The following SCARB1 variants were observed in gnomAD, a reference collection of about 807,000 sequenced individuals.
SCARB1 encodes the protein scavenger receptor class B member 1.
In SCARB1, 30 loss-of-function variants were observed where a neutral mutation model predicts 57.2. The observed-to-expected ratio is 0.52, with a 90% CI of 0.39 to 0.71. The LOEUF (loss-of-function observed/expected upper bound fraction) is 0.71, where lower values mean the gene tolerates loss of function less well. Among genes scored for constraint, SCARB1 ranks in the 30% least tolerant of loss-of-function variants. SCARB1 has a pLI of 0.00. For synonymous variants in SCARB1, 249 were observed against 268.3 expected (o/e 0.93, Z 0.70); for missense variants, 543 against 671.2 (o/e 0.81, Z 2.11).
chr12:124,853,089 G>A (rs1952484730), intron 1 of SCARB1, among the ~76,000 whole-genome samples: 1 of 152,128 alleles, frequency 6.6e-6, no homozygotes, highest in African/African-American at 2.4e-5. Context: ...ATCACGGGGT[G>A]TCTTCTTCAA....
chr12:124,798,392 C>T (rs982433106), intron 8 of SCARB1, among the ~76,000 whole-genome samples: 2 of 151,844 alleles, frequency 1.3e-5, no homozygotes, highest in African/African-American at 2.4e-5. Flanking sequence ...GCCTGGGTGA[C>T]GCAGCAAGAC....
intron 1 of SCARB1, among the ~76,000 whole-genome samples, chr12:124,836,167 C>A (rs1951639413): frequency 6.6e-6 from 1 of 152,200 alleles, no homozygotes; most frequent in South Asian, 2.1e-4. Context: ...GGGAAGAGGA[C>A]ACGCAATTCA....
At chr12:124,802,321 C>T (rs1183517214) in intron 7 of SCARB1, among the ~76,000 whole-genome samples, 1 of 152,110 alleles carries the variant, frequency 6.6e-6, no homozygotes, top group Non-Finnish European at 1.5e-5. Flanking sequence ...TCTTCAAGTC[C>T]TCTCAACACC....
intron 1 of SCARB1, among the ~76,000 whole-genome samples, chr12:124,840,677 T>C (rs1224228631): frequency 2.0e-5 from 3 of 152,146 alleles, no homozygotes; most frequent in Non-Finnish European, 4.4e-5. Flanking sequence ...GGAACCACCC[T>C]TGATTCCTCT....
At position 124,788,108 on chromosome 12, in the gene SCARB1, C is replaced by A. The variant is rs544138534; in HGVS notation, c.1203-651G>T. Among the ~76,000 whole-genome samples, 6 of 152,188 alleles carry A rather than the reference C, an allele frequency of 3.9e-5. No homozygotes were observed. The East Asian group carries it at 9.7e-4, about 24-fold the overall frequency. On this transcript the variant is annotated intron_variant, in intron 9 of 12. Transcript: ENST00000261693. ...CATCCACTGGGGGTCTTGGAATATACCCCCAGGGATAAGGGGTCCATGGTA... is the reference window on the plus strand; with the variant it reads ...CATCCACTGGGGGTCTTGGAATATAACCCCAGGGATAAGGGGTCCATGGTA...
intron 1 of SCARB1, among the ~76,000 whole-genome samples, chr12:124,848,905 C>T (rs1952274771): frequency 6.6e-6 from 1 of 152,212 alleles, no homozygotes; most frequent in Admixed American, 6.5e-5. Flanking sequence ...ACAGATGGAT[C>T]CCTCTCTATG....
chr12:124,789,281 A>G lies in SCARB1; in HGVS notation c.1203-1824T>C, dbSNP rs1238345009. On this transcript the variant is annotated intron_variant, in intron 9 of 12. Transcript: ENST00000261693. This position sits in a 1 kb window ranked among gnomAD's most constrained non-coding sequence, Gnocchi z 4.4. ...CCATCACCCCAGTCTAATCATGAGA[A>G]AAGCACCAGACCAATCCCAGTAGAG... 6.6e-6 allele frequency among the ~76,000 whole-genome samples: 1 copy of G among 152,160 alleles called. No homozygotes were observed. The highest frequency in any genetic ancestry group is 1.5e-5 in the Non-Finnish European group (1 of 68,024).
At chr12:124,795,055 GGAT>G in intron 9 of SCARB1, 137 bp downstream of exon 9, 1 of 770,570 alleles carries the variant, frequency 1.3e-6, no homozygotes, top group Non-Finnish European at 2.4e-6. Context: ...AGCAGGGACT[GGAT>G]TCCACCCCCA....
chr12:124,785,953 G>T (rs895926680), intron 11 of SCARB1: 4 of 1,010,446 alleles, frequency 4.0e-6, no homozygotes, highest in Non-Finnish European at 5.6e-6. Flanking sequence ...CTCCCCGGCT[G>T]GGATGCCAGC....
intron 9 of SCARB1, among the ~76,000 whole-genome samples, chr12:124,787,944 TTGTTA>T (rs1949582685): frequency 6.6e-6 from 1 of 152,220 alleles, no homozygotes. Context: ...ATTATAGTAT[TTGTTA>T]TAATTACCCT....
chr12:124,791,405 T>C (rs1949724133), intron 9 of SCARB1, among the ~76,000 whole-genome samples: 1 of 152,130 alleles, frequency 6.6e-6, no homozygotes. Flanking sequence ...GTCCCTTCTG[T>C]ATAAGCGAGA....
In SCARB1 at chr12:124,814,522, G is replaced by T; in HGVS notation, c.427-117C>A. The T allele has an allele frequency of 8.8e-7, 1 of 1,141,314 alleles. No individual in the cohort carries two copies. The highest frequency in any genetic ancestry group is 1.3e-6 in the Non-Finnish European group (1 of 770,740). The allele number at this position is 1,141,314 out of a possible 1,614,324, so 70.7% of individuals were successfully genotyped here. A position where few individuals can be genotyped will look rare whatever the true frequency, so the allele number is the denominator to read the frequency against. ...GAAGGGAAATGCTGGGGTGCAGGAG[G>T]CCCCTGGAGTGGCCACGTGGGGCAT... is the stretch of plus-strand genomic sequence containing the variant. On this transcript the variant is annotated intron_variant, in intron 3 of 12. Coordinates refer to ENST00000261693, the MANE Select transcript of SCARB1 (RefSeq NM_005505.5). This position sits in a 1 kb window ranked among gnomAD's most constrained non-coding sequence, Gnocchi z 4.7.
intron 8 of SCARB1, among the ~76,000 whole-genome samples, chr12:124,798,302 TC>T (rs1457545692): frequency 6.6e-5 from 10 of 151,848 alleles, no homozygotes; most frequent in Non-Finnish European, 1.5e-4. Flanking sequence ...TCCCAGCTAC[TC>T]TGGAGGCCGA....
chr12:124,850,880 A>G (rs1952369427), intron 1 of SCARB1, among the ~76,000 whole-genome samples: 1 of 152,094 alleles, frequency 6.6e-6, no homozygotes, highest in Non-Finnish European at 1.5e-5. Context: ...TTTGCTGCCT[A>G]TGGCCGCCTC....
rs556109727 is a variant in SCARB1, at chr12:124,817,527, C to A, written c.284+23G>T. 1 of 1,612,500 alleles carries A rather than the reference C, an allele frequency of 6.2e-7. No individual in the cohort carries two copies. ...TGCCCAGCCTCAGCCGGCCCCTCCACCCTCACCTGGACACAGCCTCACCTG... is the reference window on the plus strand; with the variant it reads ...TGCCCAGCCTCAGCCGGCCCCTCCAACCTCACCTGGACACAGCCTCACCTG... On this transcript the variant is annotated intron_variant, in intron 2 of 12. Transcript: ENST00000261693. This position sits in a 1 kb window ranked among gnomAD's most constrained non-coding sequence, Gnocchi z 4.8.
chr12:124,838,775 C>CTTTTTTTT (rs1174317110), intron 1 of SCARB1, among the ~76,000 whole-genome samples: 2 of 117,302 alleles, frequency 1.7e-5, no homozygotes, highest in Non-Finnish European at 1.7e-5. Flanking sequence ...CCAACTTAGC[C>CTTTTTTTT]TTTTTTTTTT....
chr12:124,827,426 T>C (rs1034763149), intron 1 of SCARB1, among the ~76,000 whole-genome samples: 5 of 152,248 alleles, frequency 3.3e-5, no homozygotes, highest in African/African-American at 1.2e-4. Context: ...TTATTATTAT[T>C]ATTATTATTT....
Position 124,787,419 on chromosome 12 carries a change from A to G in SCARB1, c.1241T>C (p.Leu414Pro). Residue 414 changes from leucine (L) to proline (P), a missense_variant, in exon 10 of 13, where the codon CTC becomes CCC. Coordinates refer to ENST00000261693, the MANE Select transcript of SCARB1 (RefSeq NM_005505.5). The stretch of plus-strand genomic sequence containing the variant: ...ACGCACCCTTACCTCTGCAAACCAG[A>G]GCAGCGGCAGGACCACAGGCTCAAT... ...GKIEPVVLPLLWFAESGAMEG... is the reference protein window; with the variant it reads ...GKIEPVVLPLPWFAESGAMEG... 1 of 1,613,876 alleles carries G rather than the reference A, an allele frequency of 6.2e-7. No individual in the cohort carries two copies. The highest frequency in any genetic ancestry group is 8.5e-7 in the Non-Finnish European group (1 of 1,179,948).
At chr12:124,863,183 C>T (rs528971529) in intron 1 of SCARB1, among the ~76,000 whole-genome samples, 25 of 151,526 alleles carry the variant, frequency 1.6e-4, no homozygotes, top group African/African-American at 6.1e-4. Context: ...CTAATTTTAC[C>T]GGACCCTGCT....
Sources: gnomAD v4.1 joint callset for allele counts (sites outside exome capture counted in the v4.1 genomes callset) on GRCh38, gnomAD v4.1.1 for gene constraint, Gnocchi (gnomAD v3.1) non-coding constraint, MANE v1.5 for transcripts, NCBI Gene and HGNC (gene_info 2026-07-23, HGNC 2026-07-21) for gene names.